Variants in PHKA1 observed in about 807,000 individuals in gnomAD.
The protein encoded by PHKA1 is phosphorylase kinase regulatory subunit alpha 1.
Under a neutral mutation model 110.2 loss-of-function variants are expected in PHKA1, and 60 were observed. The observed-to-expected ratio is 0.54, with a 90% CI of 0.44 to 0.68. The LOEUF (loss-of-function observed/expected upper bound fraction) is 0.68. Among genes scored for constraint, PHKA1 ranks in the 30% least tolerant of loss-of-function variants. PHKA1 has a pLI of 0.00. For synonymous variants in PHKA1, 316 were observed against 333.6 expected (o/e 0.95, Z 0.58); for missense variants, 801 against 942.5 (o/e 0.85, Z 1.97).
chrX:72,587,769 C>T (rs2052455847), intron 29 of PHKA1, among the ~76,000 whole-genome samples: 1 of 111,001 alleles, frequency 9.0e-6, no homozygotes, highest in Admixed American at 9.6e-5. Flanking sequence ...CAAAAAAAAG[C>T]AGGGTTTTGC....
chrX:72,659,534 G>GAC (rs2053536529), intron 8 of PHKA1, among the ~76,000 whole-genome samples: 1 of 102,569 alleles, frequency 9.7e-6, no homozygotes, highest in African/African-American at 4.4e-5. Context: ...CAGACACACA[G>GAC]ACACACACAC....
intron 30 of PHKA1, 37 bp downstream of exon 30, chrX:72,584,212 T>C: frequency 2.7e-6 from 3 of 1,093,467 alleles, no homozygotes; most frequent in Non-Finnish European, 3.8e-6. Flanking sequence ...CCAGCAAAGT[T>C]ATCAGTCACA....
chrX:72,592,455 T>C (rs1011634146), intron 29 of PHKA1, among the ~76,000 whole-genome samples: 3 of 112,718 alleles, frequency 2.7e-5, no homozygotes, highest in Non-Finnish European at 5.6e-5. Context: ...AGCATAATAG[T>C]GTTCTTGGCC....
chrX:72,619,109 G>C (rs997174780), intron 20 of PHKA1, 105 bp downstream of exon 20: 35 of 575,758 alleles, frequency 6.1e-5, no homozygotes, highest in Admixed American at 3.9e-4. Context: ...AGCATTTTGC[G>C]TACCACTAGT....
chrX:72,664,129 A>C (rs182969347), intron 8 of PHKA1, among the ~76,000 whole-genome samples: 3 of 111,554 alleles, frequency 2.7e-5, no homozygotes, highest in African/African-American at 9.7e-5. Flanking sequence ...TAAATTTCTC[A>C]ATTTAGATGT....
intron 18 of PHKA1, chrX:72,622,429 T>A: frequency 2.7e-6 from 2 of 753,679 alleles, no homozygotes; most frequent in Non-Finnish European, 3.1e-6. Flanking sequence ...TAATTCTTTC[T>A]TATTGGCCCT....
rs1027982946 is a variant in PHKA1, at chrX:72,635,825, C to T, written c.1569+452G>A. ...TAGCTAATAAACATCAGGCTAACAACGTGTTTAATAACAGCTAAAACAGTA... is the reference window on the plus strand; with the variant it reads ...TAGCTAATAAACATCAGGCTAACAATGTGTTTAATAACAGCTAAAACAGTA... On this transcript the variant is annotated intron_variant, in intron 15 of 31. Coordinates refer to ENST00000373542, the MANE Select transcript of PHKA1 (RefSeq NM_002637.4). Among the ~76,000 whole-genome samples the T allele has an allele frequency of 3.6e-5, 4 of 111,656 alleles. No individual in the cohort carries two copies. In the East Asian group the frequency reaches 8.4e-4, roughly 23 times the overall value.
intron 7 of PHKA1, 109 bp from the exon 8 acceptor site, chrX:72,666,406 G>C: frequency 1.5e-6 from 1 of 656,931 alleles, no homozygotes; most frequent in Non-Finnish European, 2.4e-6. Context: ...TGACAAAATA[G>C]AAAAGAACAT....
At chrX:72,617,340 A>G (rs1263184297) in intron 21 of PHKA1, among the ~76,000 whole-genome samples, 1 of 110,777 alleles carries the variant, frequency 9.0e-6, no homozygotes, top group African/African-American at 3.3e-5. Context: ...ACATAGTAAG[A>G]CCTCATTTCT....
chrX:72,696,014 C>A (rs909768047), intron 3 of PHKA1, 138 bp from the exon 4 acceptor site: 8 of 547,095 alleles, frequency 1.5e-5, no homozygotes, highest in Middle Eastern at 5.1e-4. Flanking sequence ...TTAAAATACT[C>A]GTTACCTGTT....
In PHKA1 at chrX:72,682,625, C is replaced by T. The variant is rs1343767460; in HGVS notation, c.537+1873G>A. On this transcript the variant is annotated intron_variant, in intron 5 of 31. Coordinates refer to ENST00000373542, the MANE Select transcript of PHKA1 (RefSeq NM_002637.4). ...GGATCCTGTTGATCTGTGACCTTAC[C>T]CCCAACCCTGTGCTCTCTGAAACAT... Among the ~76,000 whole-genome samples the T allele has an allele frequency of 2.9e-5, 3 of 105,193 alleles. No homozygotes were observed. The East Asian group carries it at 9.5e-4, about 33-fold the overall frequency. The allele number at this position is 105,193 out of a possible 115,157, so 91.3% of individuals were successfully genotyped here. A position where few individuals can be genotyped will look rare whatever the true frequency, so the allele number is the denominator to read the frequency against.
chrX:72,643,066 C>G (rs1287452241), intron 14 of PHKA1, among the ~76,000 whole-genome samples: 2 of 110,957 alleles, frequency 1.8e-5, no homozygotes, highest in Non-Finnish European at 3.8e-5. Context: ...AGACAAAAGT[C>G]AGCTCTGACT....
Position 72,713,670 on chromosome X carries a change from TCA to T in PHKA1, c.78+131_78+132del, listed in dbSNP as rs58583639. ...ACGCGGAGTTCATGCAAGGTCTCCG[TCA>T]CACACACACACACACACACACACAC... On this transcript the variant is annotated intron_variant, in intron 1 of 31. Coordinates refer to ENST00000373542, the MANE Select transcript of PHKA1 (RefSeq NM_002637.4). 9,188 of 453,664 alleles carry T rather than the reference TCA, an allele frequency of 0.02. 72 individuals carry two copies. The highest frequency in any genetic ancestry group is 0.089 in the African/African-American group (3,291 of 37,160). 37.4% of individuals were successfully genotyped at this position (453,664 alleles called of 1,213,427 possible). A position where few individuals can be genotyped will look rare whatever the true frequency, so the allele number is the denominator to read the frequency against.
At chrX:72,667,787 T>A (rs1470237012) in intron 6 of PHKA1, among the ~76,000 whole-genome samples, 1 of 111,660 alleles carries the variant, frequency 9.0e-6, no homozygotes. Flanking sequence ...TTTTTTAAAA[T>A]AGAATTTATT....
At chrX:72,710,373 A>T (rs2054353725) in intron 2 of PHKA1, among the ~76,000 whole-genome samples, 1 of 112,121 alleles carries the variant, frequency 8.9e-6, no homozygotes, top group African/African-American at 3.2e-5. Context: ...AGATTTGGTT[A>T]TAAGCAGCCT....
At chrX:72,649,991 CAA>C (rs202212585) in intron 13 of PHKA1, among the ~76,000 whole-genome samples, 11 of 71,539 alleles carry the variant, frequency 1.5e-4, no homozygotes, top group African/African-American at 4.1e-4. Flanking sequence ...GACTCCCTCT[CAA>C]AAAAAAAAAA....
In PHKA1 at chrX:72,620,714, G is replaced by C; in HGVS notation, c.2137+11C>G. 1 of 1,196,738 alleles carries C rather than the reference G, an allele frequency of 8.4e-7. No individual in the cohort carries two copies. Among genetic ancestry groups the C allele is most frequent in the Non-Finnish European group, 1.1e-6 (1 of 883,418 alleles). On this transcript the variant is annotated intron_variant, in intron 19 of 31. Transcript: ENST00000373542. ...CTGTGCCTGACTCTGGTGAGTCACG[G>C]CATTACTCACTCTGTACATGCAGTT...
chrX:72,655,029 C>A (rs2147764125), intron 10 of PHKA1, among the ~76,000 whole-genome samples: 1 of 110,234 alleles, frequency 9.1e-6, no homozygotes. Flanking sequence ...GATCTCCTGA[C>A]CTCGTGATCC....
intron 16 of PHKA1, among the ~76,000 whole-genome samples, chrX:72,628,557 T>C (rs1266364192): frequency 2.9e-5 from 3 of 104,199 alleles, no homozygotes; most frequent in African/African-American, 1.0e-4. Context: ...TTCCCATATA[T>C]ATATATATAT....
Sources: allele counts gnomAD v4.1 joint callset (sites outside exome capture counted in the v4.1 genomes callset), GRCh38; gene constraint gnomAD v4.1.1; transcripts MANE v1.5; gene names NCBI Gene and HGNC (gene_info 2026-07-23, HGNC 2026-07-21).